Variants in RWDD2B observed in about 807,000 individuals in gnomAD.
The protein encoded by RWDD2B is RWD domain-containing protein 2B.
A neutral mutation model predicts 33.6 loss-of-function variants in RWDD2B; 36 were observed. The observed-to-expected ratio is 1.07, with a 90% CI of 0.82 to 1.42. The LOEUF is 1.42. RWDD2B is among the 40% of genes most tolerant of loss of function. The probability of loss-of-function intolerance (pLI) is 0.00; values close to 1 mark genes in which losing one functional copy is unlikely to be tolerated. For synonymous variants in RWDD2B, 126 were observed against 133.1 expected (o/e 0.95, Z 0.37); for missense variants, 364 against 377.5 (o/e 0.96, Z 0.30).
rs778687157 is a variant in RWDD2B at position 29,008,090 on chromosome 21, C to A, written c.396G>T (p.Gln132His). The A allele has an allele frequency of 1.2e-6, 2 of 1,613,890 alleles. No individual in the cohort carries two copies. The highest frequency in any genetic ancestry group is 4.5e-5 in the East Asian group (2 of 44,890). ...GGAATGCAGTCAGATCTGTGTTCAG[C>A]TGAGTCTGCTGGGATCTACTCAATA... is the stretch of plus-strand genomic sequence containing the variant. ...SVLLSRSQQT[Q>H]LNTDLTAFLQ... Residue 132 changes from glutamine (Q) to histidine (H), a missense_variant, in exon 4 of 5, where the codon CAG (glutamine) becomes CAT (histidine). Physicochemically the swap from Gln to His is conservative, Grantham distance 24 (BLOSUM62 0). Transcript: ENST00000493196.
chr21:29,010,334 C>T lies in RWDD2B; in HGVS notation c.68-1713G>A, dbSNP rs1005785923. On this transcript the variant is annotated intron_variant, in intron 1 of 4. Transcript: ENST00000493196. Reference sequence around the variant, plus strand: ...ATACATAGTTCCTTTTGGCCTAGCACGGTGGCTCACACCTGTAATCCCACC... The same window carrying T: ...ATACATAGTTCCTTTTGGCCTAGCATGGTGGCTCACACCTGTAATCCCACC... 5.9e-5 allele frequency among the ~76,000 whole-genome samples: 9 copies of T among 151,740 alleles called. No homozygotes were observed. The South Asian group carries it at 1.7e-3, about 28-fold the overall frequency.
Position 29,019,319 on chromosome 21 carries a change from C to A in RWDD2B, c.-42G>T. 1.4e-6 allele frequency: 2 copies of A among 1,446,064 alleles called. No homozygotes were observed. Among genetic ancestry groups the A allele is most frequent in the Non-Finnish European group, 1.9e-6 (2 of 1,049,994 alleles). 89.6% of individuals were successfully genotyped at this position (1,446,064 alleles called of 1,614,324 possible). A position where few individuals can be genotyped will look rare whatever the true frequency, so the allele number is the denominator to read the frequency against. ...AATTCTAGCATACTGCGACCCAAAA[C>A]TTACAAACCGCCTCAGCTGGCGACC... On this transcript the variant is annotated 5_prime_UTR_variant, in exon 1 of 5. Coordinates refer to ENST00000493196, the MANE Select transcript of RWDD2B (RefSeq NM_016940.3).
In RWDD2B at chr21:29,008,637, T is replaced by G. The variant is rs1233499941; in HGVS notation, c.68-16A>C. ...GTGTAAGTTTCTAAGGAGGTAAAGA[T>G]AAGAGAGACAATTTACATATGCAAT... On this transcript the variant is annotated splice_polypyrimidine_tract_variant and intron_variant, in intron 1 of 4. Transcript: ENST00000493196. 6.4e-7 allele frequency: 1 copy of G among 1,553,866 alleles called. No homozygotes were observed. Among genetic ancestry groups the G allele is most frequent in the East Asian group, 2.2e-5 (1 of 44,522 alleles).
intron 1 of RWDD2B, among the ~76,000 whole-genome samples, chr21:29,009,358 T>C (rs959945775): frequency 1.1e-4 from 17 of 151,972 alleles, no homozygotes; most frequent in Non-Finnish European, 1.9e-4. Flanking sequence ...GTGCTAGCAT[T>C]ACAGGTATGA....
intron 1 of RWDD2B, among the ~76,000 whole-genome samples, chr21:29,012,091 C>G (rs1601022434): frequency 6.9e-6 from 1 of 144,896 alleles, no homozygotes; most frequent in East Asian, 2.2e-4. Flanking sequence ...CTCTGCCCGG[C>G]CAGCCGCCCC....
intron 1 of RWDD2B, among the ~76,000 whole-genome samples, chr21:29,016,676 C>G (rs929418692): frequency 6.6e-6 from 1 of 152,026 alleles, no homozygotes; most frequent in African/African-American, 2.4e-5. Context: ...AAAACAACTA[C>G]TTGGGTGGTT....
chr21:29,011,041 G>T (rs1364904646), intron 1 of RWDD2B, among the ~76,000 whole-genome samples: 2 of 152,094 alleles, frequency 1.3e-5, no homozygotes, highest in African/African-American at 4.8e-5. Flanking sequence ...CCAGCAGCCT[G>T]CCTTGGCCTC....
chr21:29,017,249 A>G lies in RWDD2B; in HGVS notation c.67+1962T>C, dbSNP rs138454350. Among the ~76,000 whole-genome samples, 1,096 of 152,284 alleles carry G rather than the reference A, an allele frequency of 7.2e-3. 12 individuals are homozygous for G. Among genetic ancestry groups the G allele is most frequent in the African/African-American group, 0.025 (1,038 of 41,552 alleles). On this transcript the variant is annotated intron_variant, in intron 1 of 4. Coordinates refer to ENST00000493196, the MANE Select transcript of RWDD2B (RefSeq NM_016940.3). The stretch of plus-strand genomic sequence containing the variant: ...CTTACGTTCAAGCACTGGCACTAAG[A>G]TAACAATGAATGAAAGTAATAAAAC...
rs961136202 is a variant in RWDD2B, at chr21:29,008,271, A to G, written c.331T>C (p.Tyr111His). 6 of 1,614,120 alleles carry G rather than the reference A, an allele frequency of 3.7e-6. No homozygotes were observed. Among genetic ancestry groups the G allele is most frequent in the Non-Finnish European group, 5.1e-6 (6 of 1,180,040 alleles). Residue 111 changes from tyrosine to histidine, a missense_variant, in exon 3 of 5, where the codon TAC becomes CAC. Physicochemically the swap from Tyr to His is moderately conservative, Grantham distance 83 (BLOSUM62 2). Coordinates refer to ENST00000493196, the MANE Select transcript of RWDD2B (RefSeq NM_016940.3). Reference sequence around the variant, plus strand: ...GTAATTTCAGGCAGAACTGCCGGGTATTTAAAGGGAAGAATACAGGCCAGA... The same window carrying G: ...GTAATTTCAGGCAGAACTGCCGGGTGTTTAAAGGGAAGAATACAGGCCAGA... ...FSLACILPFK[Y>H]PAVLPEITVR... is the part of the protein sequence containing the mutation.
intron 1 of RWDD2B, among the ~76,000 whole-genome samples, chr21:29,016,417 A>G (rs920724168): frequency 2.0e-5 from 3 of 152,180 alleles, no homozygotes; most frequent in Non-Finnish European, 2.9e-5. Context: ...GGCATGCGCC[A>G]CCACACCCAG....
intron 1 of RWDD2B, among the ~76,000 whole-genome samples, chr21:29,013,282 C>T (rs2084873453): frequency 6.6e-6 from 1 of 152,170 alleles, no homozygotes. Flanking sequence ...TCTTCATAGC[C>T]ATCACTCTTC....
Position 29,007,917 on chromosome 21 carries a change from A to T in RWDD2B, c.569T>A (p.Leu190His). 1 of 1,614,210 alleles carries T rather than the reference A, an allele frequency of 6.2e-7. No homozygotes were observed. Among genetic ancestry groups the T allele is most frequent in the East Asian group, 2.2e-5 (1 of 44,894 alleles). The change falls in exon 4 of 5, where the codon CTC becomes CAC. Residue 190 changes from leucine (L) to histidine (H), a missense_variant. Physicochemically the swap from Leu to His is moderately conservative, Grantham distance 99. Coordinates refer to ENST00000493196, the MANE Select transcript of RWDD2B (RefSeq NM_016940.3). The stretch of plus-strand genomic sequence containing the variant: ...ATAGATATGATGGCTGTAGATCCAG[A>T]GTCTCGTGAAGATGAGGTCAACTGA... Reference protein sequence around the residue: ...VQSVDLIFTRLWIYSHHIYNK... With the variant: ...VQSVDLIFTRHWIYSHHIYNK...
At chr21:29,006,766 A>C in intron 4 of RWDD2B, 115 bp from the exon 5 acceptor site, 1 of 659,004 alleles carries the variant, frequency 1.5e-6, no homozygotes, top group South Asian at 2.0e-5. Context: ...CTACTTTTTA[A>C]AATGTTTATA....
intron 1 of RWDD2B, among the ~76,000 whole-genome samples, chr21:29,016,008 C>T (rs1555851769): frequency 6.6e-6 from 1 of 152,164 alleles, no homozygotes; most frequent in Non-Finnish European, 1.5e-5. Flanking sequence ...CATTAGCCCT[C>T]CTCTCCACAG....
chr21:29,015,833 A>G (rs995118281), intron 1 of RWDD2B, among the ~76,000 whole-genome samples: 2 of 152,064 alleles, frequency 1.3e-5, no homozygotes, highest in African/African-American at 4.8e-5. Context: ...GCCCAGCCCC[A>G]TATGGTTTAG....
At chr21:29,012,784 T>C (rs1489513603) in intron 1 of RWDD2B, among the ~76,000 whole-genome samples, 2 of 151,352 alleles carry the variant, frequency 1.3e-5, no homozygotes, top group African/African-American at 4.9e-5. Flanking sequence ...AAAAAAAAAG[T>C]CTTCTATTTT....
Position 29,007,613 on chromosome 21 carries a change from T to G in RWDD2B, c.725+148A>C, listed in dbSNP as rs146346191. 5.9e-3 allele frequency: 4,553 copies of G among 768,932 alleles called. 72 individuals carry two copies. Among genetic ancestry groups the G allele is most frequent in the South Asian group, 0.033 (1,739 of 52,702 alleles). The allele number at this position is 768,932 out of a possible 1,614,324, so 47.6% of individuals were successfully genotyped here. On this transcript the variant is annotated intron_variant, in intron 4 of 4. Coordinates refer to ENST00000493196, the MANE Select transcript of RWDD2B (RefSeq NM_016940.3). ...GAAGATCAAGTGCCATATATCAGGTTTCTATATGTGCTCCATTATAATCTT... is the reference window on the plus strand; with the variant it reads ...GAAGATCAAGTGCCATATATCAGGTGTCTATATGTGCTCCATTATAATCTT...
intron 1 of RWDD2B, among the ~76,000 whole-genome samples, chr21:29,010,664 G>A (rs1601020949): frequency 6.9e-6 from 1 of 145,132 alleles, no homozygotes; most frequent in Non-Finnish European, 1.5e-5. Flanking sequence ...TCCCTCTCCC[G>A]TCTCCCCATG....
At chr21:29,012,742 C>G (rs1344668860) in intron 1 of RWDD2B, among the ~76,000 whole-genome samples, 2 of 151,464 alleles carry the variant, frequency 1.3e-5, no homozygotes, top group East Asian at 3.9e-4. Context: ...CAATCCCCCT[C>G]TGCGAGAAAC....
Sources: gnomAD v4.1 joint callset for allele counts (sites outside exome capture counted in the v4.1 genomes callset) on GRCh38, gnomAD v4.1.1 for gene constraint, MANE v1.5 for transcripts, NCBI Gene and HGNC (gene_info 2026-07-23, HGNC 2026-07-21) for gene names.